SGCZ: variants seen among roughly 807,000 people sequenced by gnomAD.
SGCZ encodes the protein sarcoglycan zeta.
Under a neutral mutation model 41.3 loss-of-function variants are expected in SGCZ, and 40 were observed. The observed-to-expected ratio is 0.97, with a 90% CI of 0.75 to 1.26. The LOEUF is 1.26. Among genes scored for constraint, SGCZ ranks in the 50% most tolerant of loss-of-function variants. SGCZ has a pLI of 0.00. For synonymous variants in SGCZ, 206 were observed against 137.5 expected, an observed-to-expected ratio of 1.50 and a Z score of -3.49; for missense variants, 552 against 369.8, an observed-to-expected ratio of 1.49 and a Z score of -4.04.
At chr8:14,762,290 G>A (rs1217530536) in intron 1 of SGCZ, among the ~76,000 whole-genome samples, 1 of 152,126 alleles carries the variant, frequency 6.6e-6, no homozygotes, top group Non-Finnish European at 1.5e-5. Flanking sequence ...CCTCAAAACA[G>A]TAAAATCTAC....
intron 5 of SGCZ, among the ~76,000 whole-genome samples, chr8:14,160,516 A>T (rs368278833): frequency 1.0e-3 from 154 of 152,328 alleles, no homozygotes; most frequent in African/African-American, 3.5e-3. Context: ...GGTGAGCTAA[A>T]GTATAAAACT....
At chr8:14,739,110 G>A (rs972948619) in intron 1 of SGCZ, among the ~76,000 whole-genome samples, 8 of 152,186 alleles carry the variant, frequency 5.3e-5, no homozygotes, top group East Asian at 1.9e-4. Flanking sequence ...TTACTACTGT[G>A]TATGTGTGTC....
chr8:14,639,023 C>A (rs1366201216), intron 1 of SGCZ, among the ~76,000 whole-genome samples: 2 of 146,228 alleles, frequency 1.4e-5, no homozygotes, highest in Non-Finnish European at 3.0e-5. Flanking sequence ...AAATAATACA[C>A]TAAGAAACTG....
At chr8:14,394,360 A>G (rs1804903861) in intron 2 of SGCZ, among the ~76,000 whole-genome samples, 1 of 152,060 alleles carries the variant, frequency 6.6e-6, no homozygotes, top group Admixed American at 6.6e-5. Flanking sequence ...CATGTTGGCC[A>G]GGATGGTCTC....
intron 1 of SGCZ, among the ~76,000 whole-genome samples, chr8:14,567,046 A>C (rs972670753): frequency 1.9e-4 from 29 of 152,164 alleles, no homozygotes; most frequent in Admixed American, 7.8e-4. Context: ...GGCTGTGCTC[A>C]ATTTCTCCCT....
At chr8:15,195,414 G>A (rs1303380062) in intron 1 of SGCZ, among the ~76,000 whole-genome samples, 2 of 152,126 alleles carry the variant, frequency 1.3e-5, no homozygotes, top group African/African-American at 4.8e-5. Context: ...TGTTGATGCA[G>A]GGATGGCTTT....
At chr8:15,189,779 G>C (rs1473954814) in intron 1 of SGCZ, among the ~76,000 whole-genome samples, 1 of 152,122 alleles carries the variant, frequency 6.6e-6, no homozygotes, top group Non-Finnish European at 1.5e-5. Flanking sequence ...TTGAACTCCT[G>C]ACCTCAGGCA....
chr8:14,594,844 A>ATT (rs368753796), intron 1 of SGCZ, among the ~76,000 whole-genome samples: 1 of 151,716 alleles, frequency 6.6e-6, no homozygotes, highest in East Asian at 1.9e-4. Flanking sequence ...TTCCTTAAAA[A>ATT]TTTTTTTACC....
chr8:14,770,015 G>A (rs1200847617), intron 1 of SGCZ, among the ~76,000 whole-genome samples: 3 of 151,442 alleles, frequency 2.0e-5, no homozygotes, highest in Non-Finnish European at 4.4e-5. Flanking sequence ...ATGCTCCCTT[G>A]TGTCTTCATA....
At chr8:14,445,034 T>G (rs539900275) in intron 2 of SGCZ, among the ~76,000 whole-genome samples, 1 of 152,286 alleles carries the variant, frequency 6.6e-6, no homozygotes, top group South Asian at 2.1e-4. Context: ...CTAGGATAGG[T>G]CCATCTCAGC....
chr8:14,673,228 T>C (rs981578229), intron 1 of SGCZ, among the ~76,000 whole-genome samples: 1 of 152,228 alleles, frequency 6.6e-6, no homozygotes, highest in Non-Finnish European at 1.5e-5. Context: ...ATGGTTGATA[T>C]GGTTTGGCTC....
chr8:15,007,789 A>T (rs1466146413), intron 1 of SGCZ, among the ~76,000 whole-genome samples: 1 of 152,236 alleles, frequency 6.6e-6, no homozygotes, highest in Non-Finnish European at 1.5e-5. Flanking sequence ...TACTGTGTAA[A>T]ATAGATAGCA....
intron 1 of SGCZ, among the ~76,000 whole-genome samples, chr8:15,163,129 G>A (rs1264310136): frequency 6.6e-6 from 1 of 152,162 alleles, no homozygotes; most frequent in Non-Finnish European, 1.5e-5. Context: ...GATTCTGTAC[G>A]TAACAGTTCT....
At chr8:14,145,882 T>C (rs942153384) in intron 5 of SGCZ, among the ~76,000 whole-genome samples, 11 of 152,126 alleles carry the variant, frequency 7.2e-5, no homozygotes, top group African/African-American at 1.9e-4. Context: ...GACAGGCTAT[T>C]TGAAAATACA....
intron 1 of SGCZ, among the ~76,000 whole-genome samples, chr8:14,976,629 T>C (rs377409816): frequency 5.1e-4 from 78 of 152,270 alleles, no homozygotes; most frequent in Non-Finnish European, 8.4e-4. Flanking sequence ...TGTAACAACG[T>C]CACTTTCACC....
chr8:14,166,847 T>C (rs1804226428), intron 4 of SGCZ, among the ~76,000 whole-genome samples: 1 of 152,078 alleles, frequency 6.6e-6, no homozygotes, highest in Non-Finnish European at 1.5e-5. Context: ...ATTCATTAAA[T>C]GTAAATAAGC....
intron 4 of SGCZ, among the ~76,000 whole-genome samples, chr8:14,206,795 T>A (rs1480439541): frequency 2.0e-5 from 3 of 152,174 alleles, no homozygotes; most frequent in Non-Finnish European, 2.9e-5. Flanking sequence ...AATAAGGCAA[T>A]CTCTCTAGCC....
At chr8:14,158,537 T>C (rs949218678) in intron 5 of SGCZ, among the ~76,000 whole-genome samples, 1 of 152,052 alleles carries the variant, frequency 6.6e-6, no homozygotes, top group Non-Finnish European at 1.5e-5. Context: ...CCAGGAACAA[T>C]ACCTTGCATC....
rs550278758 is a variant in SGCZ at position 15,041,403 on chromosome 8, C to T, written c.39+196182G>A. Among the ~76,000 whole-genome samples, 139 of 151,672 alleles carry T rather than the reference C, an allele frequency of 9.2e-4. 1 individual carries two copies. Among genetic ancestry groups the T allele is most frequent in the African/African-American group, 3.3e-3 (135 of 41,364 alleles). On this transcript the variant is annotated intron_variant, in intron 1 of 7. Transcript: ENST00000382080. ...AAAGTACACATAGTCCTTTTGATAC[C>T]ATATGAAAAGTCTATGTTTTGCAAT...
Sources: gnomAD v4.1 joint callset for allele counts (sites outside exome capture counted in the v4.1 genomes callset) on GRCh38, gnomAD v4.1.1 for gene constraint, MANE v1.5 for transcripts, NCBI Gene and HGNC (gene_info 2026-07-23, HGNC 2026-07-21) for gene names.